Variants in LRRTM3 observed in about 807,000 individuals in gnomAD.
LRRTM3 encodes leucine rich repeat transmembrane neuronal 3, also known as leucine-rich repeat transmembrane neuronal protein 3.
LRRTM3 carries 24 observed loss-of-function variants against 44.7 expected under a neutral mutation model. The ratio of observed to expected loss-of-function variants is 0.54; its 90% confidence interval spans 0.39 to 0.76. The LOEUF is 0.76. Ranked by LOEUF, LRRTM3 falls within the 30% of genes least tolerant of loss-of-function variation. The probability of loss-of-function intolerance (pLI) is 0.00; values close to 1 mark genes in which losing one functional copy is unlikely to be tolerated. For synonymous variants in LRRTM3, 277 were observed against 278.7 expected (o/e 0.99, Z 0.06); for missense variants, 587 against 702.2 (o/e 0.84, Z 1.85).
intron 2 of LRRTM3, among the ~76,000 whole-genome samples, chr10:66,941,020 T>TAA (rs936563026): frequency 6.6e-6 from 1 of 151,752 alleles, no homozygotes; most frequent in East Asian, 1.9e-4. Context: ...TGTAATTTAA[T>TAA]AAAAAAAAGA....
At chr10:67,011,597 T>G (rs1480868873) in intron 2 of LRRTM3, among the ~76,000 whole-genome samples, 1 of 152,168 alleles carries the variant, frequency 6.6e-6, no homozygotes, top group African/African-American at 2.4e-5. Context: ...ATGAGTATTT[T>G]TTCCCTAAAA....
At chr10:66,950,399 G>C (rs1848481549) in intron 2 of LRRTM3, among the ~76,000 whole-genome samples, 1 of 151,950 alleles carries the variant, frequency 6.6e-6, no homozygotes, top group African/African-American at 2.4e-5. Flanking sequence ...GGCAGGTTTT[G>C]AGATATACTA....
Position 67,097,972 on chromosome 10 carries a change from T to C in LRRTM3, c.*176T>C. ...TAAAGAAGACATGAATTGTTTTAAG[T>C]CTACACTTTGTAATTAGCTAAGTTG... On this transcript the variant is annotated 3_prime_UTR_variant, in exon 3 of 3. Coordinates refer to ENST00000361320, the MANE Select transcript of LRRTM3 (RefSeq NM_178011.5). The C allele has an allele frequency of 1.6e-6, 1 of 615,174 alleles. No homozygotes were observed. Among genetic ancestry groups the C allele is most frequent in the Non-Finnish European group, 2.8e-6 (1 of 352,544 alleles). 38.1% of individuals were successfully genotyped at this position (615,174 alleles called of 1,614,324 possible).
chr10:67,099,323 T>G lies in LRRTM3; in HGVS notation c.*1527T>G, dbSNP rs1243171369. 1 of 151,728 alleles carries G rather than the reference T, an allele frequency of 6.6e-6. No homozygotes were observed. The highest frequency in any genetic ancestry group is 1.5e-5 in the Non-Finnish European group (1 of 67,804). 9.4% of individuals were successfully genotyped at this position (151,728 alleles called of 1,614,324 possible). ...TTTATCAATAGTAATCATGCATTCT[T>G]GTGTTTTTTTTTAATGGAAAACTGC... On this transcript the variant is annotated 3_prime_UTR_variant, in exon 3 of 3. Coordinates refer to ENST00000361320, the MANE Select transcript of LRRTM3 (RefSeq NM_178011.5).
At chr10:67,070,772 A>C (rs1003741725) in intron 2 of LRRTM3, among the ~76,000 whole-genome samples, 2 of 152,048 alleles carry the variant, frequency 1.3e-5, no homozygotes, top group African/African-American at 4.8e-5. Context: ...AAAGAAAAAA[A>C]AGAAATCCTT....
At chr10:66,953,042 AG>A (rs1848619908) in intron 2 of LRRTM3, among the ~76,000 whole-genome samples, 1 of 152,146 alleles carries the variant, frequency 6.6e-6, no homozygotes, top group African/African-American at 2.4e-5. Context: ...TGAAGAAAAC[AG>A]AGCCTACTGA....
chr10:66,966,688 CAT>C (rs1355547184), intron 2 of LRRTM3, among the ~76,000 whole-genome samples: 1 of 151,916 alleles, frequency 6.6e-6, no homozygotes. Flanking sequence ...CAAACATTAA[CAT>C]AAGAATAAAA....
intron 2 of LRRTM3, among the ~76,000 whole-genome samples, chr10:66,976,724 C>A (rs1850054464): frequency 6.6e-6 from 1 of 152,278 alleles, no homozygotes; most frequent in East Asian, 1.9e-4. Context: ...ATTTTATTCT[C>A]TGAACTTAGT....
chr10:66,943,513 C>G (rs1803786539), intron 2 of LRRTM3, among the ~76,000 whole-genome samples: 1 of 64,910 alleles, frequency 1.5e-5, no homozygotes, highest in Admixed American at 2.5e-4. Flanking sequence ...ATCCAATTCC[C>G]CCACCCTTTT....
At chr10:66,994,311 T>C (rs960865386) in intron 2 of LRRTM3, among the ~76,000 whole-genome samples, 5 of 152,196 alleles carry the variant, frequency 3.3e-5, no homozygotes, top group African/African-American at 1.2e-4. Context: ...TGGGTTTGCC[T>C]GGCCTTTGCT....
At chr10:67,053,491 T>C (rs141220804) in intron 2 of LRRTM3, among the ~76,000 whole-genome samples, 208 of 152,316 alleles carry the variant, frequency 1.4e-3, no homozygotes, top group African/African-American at 4.7e-3. Context: ...CATCAGTCAG[T>C]ATCTATATGC....
chr10:67,050,812 A>G (rs1283894886), intron 2 of LRRTM3, among the ~76,000 whole-genome samples: 2 of 152,232 alleles, frequency 1.3e-5, no homozygotes, highest in Non-Finnish European at 2.9e-5. Context: ...TTTTTATTCA[A>G]TGGCTCATCT....
In LRRTM3 at chr10:66,941,927, C is replaced by A. The variant is rs1460015637; in HGVS notation, c.1536+13475C>A. 7.9e-5 allele frequency among the ~76,000 whole-genome samples: 12 copies of A among 152,268 alleles called. No homozygotes were observed. The East Asian group carries it at 2.3e-3, about 29-fold the overall frequency. ...AGTTTTAAAGGTTTTCAAATTAAGT[C>A]TGTTCGTGGAAGACTTACTTTGATT... On this transcript the variant is annotated intron_variant, in intron 2 of 2. Coordinates refer to ENST00000361320, the MANE Select transcript of LRRTM3 (RefSeq NM_178011.5).
At chr10:67,046,986 A>G (rs1246417766) in intron 2 of LRRTM3, among the ~76,000 whole-genome samples, 1 of 152,202 alleles carries the variant, frequency 6.6e-6, no homozygotes, top group Admixed American at 6.5e-5. Context: ...GAGGGTAGAA[A>G]AGAAATAGTC....
intron 2 of LRRTM3, among the ~76,000 whole-genome samples, chr10:66,959,033 C>A (rs1017901230): frequency 1.3e-5 from 2 of 152,200 alleles, no homozygotes; most frequent in East Asian, 3.9e-4. Flanking sequence ...CTTAATTATA[C>A]ACATCCCCAT....
intron 2 of LRRTM3, among the ~76,000 whole-genome samples, chr10:67,056,553 AG>A (rs1431151680): frequency 6.6e-6 from 1 of 152,206 alleles, no homozygotes; most frequent in Non-Finnish European, 1.5e-5. Flanking sequence ...ATCAAAGGAC[AG>A]GTTTGAATAC....
chr10:66,938,685 A>G (rs915248016), intron 2 of LRRTM3, among the ~76,000 whole-genome samples: 8 of 152,136 alleles, frequency 5.3e-5, no homozygotes, highest in African/African-American at 1.9e-4. Context: ...TTAGGAAAAT[A>G]CAGTTTTAAA....
At chr10:67,018,672 G>C (rs575947465) in intron 2 of LRRTM3, among the ~76,000 whole-genome samples, 1 of 152,174 alleles carries the variant, frequency 6.6e-6, no homozygotes, top group South Asian at 2.1e-4. Context: ...TTTAACCGTG[G>C]ACAAGCCACT....
intron 2 of LRRTM3, among the ~76,000 whole-genome samples, chr10:66,986,559 A>G (rs573069144): frequency 6.6e-6 from 1 of 152,316 alleles, no homozygotes; most frequent in East Asian, 1.9e-4. Flanking sequence ...AATACATTGA[A>G]AAAACTAATC....
Sources: allele counts gnomAD v4.1 joint callset (sites outside exome capture counted in the v4.1 genomes callset), GRCh38; gene constraint gnomAD v4.1.1; transcripts MANE v1.5; gene names NCBI Gene and HGNC (gene_info 2026-07-23, HGNC 2026-07-21).